The following MTHFD2L variants were observed in gnomAD, a reference collection of about 807,000 sequenced individuals.
MTHFD2L encodes the protein bifunctional methylenetetrahydrofolate dehydrogenase/cyclohydrolase 2, mitochondrial.
Under a neutral mutation model 34.9 loss-of-function variants are expected in MTHFD2L, and 29 were observed. That is an observed-to-expected ratio of 0.83 (90% CI 0.62 to 1.13). The LOEUF (loss-of-function observed/expected upper bound fraction) is 1.13, where lower values mean the gene tolerates loss of function less well. Ranked by LOEUF, MTHFD2L falls within the 50% of genes most tolerant of loss-of-function variation. The probability of loss-of-function intolerance (pLI) is 0.00; values close to 1 mark genes in which losing one functional copy is unlikely to be tolerated. For missense variants in MTHFD2L, 481 were observed against 446.5 expected (o/e 1.08, Z -0.70); for synonymous variants, 167 against 155.7 (o/e 1.07, Z -0.54).
chr4:74,185,580 A>G (rs1229779022), intron 3 of MTHFD2L, among the ~76,000 whole-genome samples: 16 of 152,184 alleles, frequency 1.1e-4, no homozygotes, highest in Non-Finnish European at 1.6e-4. Flanking sequence ...GACCAATACC[A>G]GGACTTAGGG....
chr4:74,236,612 T>C (rs1314451038), intron 6 of MTHFD2L, among the ~76,000 whole-genome samples: 1 of 152,270 alleles, frequency 6.6e-6, no homozygotes, highest in Non-Finnish European at 1.5e-5. Context: ...GATTGAAAGC[T>C]TTCTGTCTCT....
At chr4:74,207,766 C>CTTTTTTTTTTTTTTTTTTTT (rs768932793) in intron 5 of MTHFD2L, among the ~76,000 whole-genome samples, 2 of 128,474 alleles carry the variant, frequency 1.6e-5, no homozygotes, top group African/African-American at 3.1e-5. Flanking sequence ...TGAAAAAGAA[C>CTTTTTTTTTTTTTTTTTTTT]TTTTTTTTTT....
intron 1 of MTHFD2L, among the ~76,000 whole-genome samples, chr4:74,149,988 T>C (rs1434236028): frequency 6.6e-6 from 1 of 152,002 alleles, no homozygotes; most frequent in African/African-American, 2.4e-5. Context: ...CCCCTGGCTG[T>C]AGTAAGTAAA....
intron 1 of MTHFD2L, among the ~76,000 whole-genome samples, chr4:74,172,250 C>A (rs996095748): frequency 6.6e-6 from 1 of 152,118 alleles, no homozygotes; most frequent in Non-Finnish European, 1.5e-5. Flanking sequence ...TAGACATGTT[C>A]ATTTTCTTGA....
intron 1 of MTHFD2L, among the ~76,000 whole-genome samples, chr4:74,145,140 G>A (rs1723515310): frequency 6.7e-6 from 1 of 149,694 alleles, no homozygotes; most frequent in South Asian, 2.1e-4. Context: ...TGATAAACTA[G>A]ACTACAGTCA....
intron 6 of MTHFD2L, among the ~76,000 whole-genome samples, chr4:74,264,242 C>A (rs556408748): frequency 6.6e-6 from 1 of 152,082 alleles, no homozygotes; most frequent in South Asian, 2.1e-4. Flanking sequence ...TGTATACAGA[C>A]TAGGAAGGAG....
At chr4:74,152,133 A>G (rs1723976927) in intron 1 of MTHFD2L, among the ~76,000 whole-genome samples, 2 of 151,992 alleles carry the variant, frequency 1.3e-5, no homozygotes, top group Non-Finnish European at 2.9e-5. Flanking sequence ...TTCATATCCT[A>G]ATAATTACAT....
chr4:74,164,118 C>T (rs866897521), intron 1 of MTHFD2L, among the ~76,000 whole-genome samples: 5 of 152,132 alleles, frequency 3.3e-5, no homozygotes, highest in South Asian at 2.1e-4. Context: ...CTTCGTGATC[C>T]GCCCGCCTCA....
chr4:74,269,074 A>G (rs893243713), intron 6 of MTHFD2L, among the ~76,000 whole-genome samples: 1 of 152,210 alleles, frequency 6.6e-6, no homozygotes, highest in East Asian at 1.9e-4. Flanking sequence ...CCATTGGTTC[A>G]TTTACTTATC....
intron 7 of MTHFD2L, among the ~76,000 whole-genome samples, chr4:74,286,488 T>C (rs1748189833): frequency 6.6e-6 from 1 of 152,220 alleles, no homozygotes; most frequent in South Asian, 2.1e-4. Flanking sequence ...TTATGTGCCA[T>C]GAGTAGTAAA....
At chr4:74,186,875 A>G (rs28823933) in intron 3 of MTHFD2L, among the ~76,000 whole-genome samples, 113,124 of 152,098 alleles carry the variant, frequency 0.74, 49,563 homozygotes, top group Non-Finnish European at 0.95. Context: ...AATGAGTAAC[A>G]TGGAGGATTA....
At chr4:74,158,356 C>T in intron 1 of MTHFD2L, 75 bp downstream of exon 1, 1 of 1,085,738 alleles carries the variant, frequency 9.2e-7, no homozygotes, top group Non-Finnish European at 1.1e-6. Context: ...GGCGCTCGCG[C>T]GCGTGGGGCC....
At chr4:74,249,356 A>G (rs1233981086) in intron 6 of MTHFD2L, among the ~76,000 whole-genome samples, 1 of 151,682 alleles carries the variant, frequency 6.6e-6, no homozygotes, top group East Asian at 1.9e-4. Flanking sequence ...CCATCCTTTT[A>G]TTTTGAGCCT....
chr4:74,141,899 T>C (rs1723291564), intron 1 of MTHFD2L, among the ~76,000 whole-genome samples: 1 of 152,106 alleles, frequency 6.6e-6, no homozygotes, highest in Non-Finnish European at 1.5e-5. Context: ...AGTTACACAG[T>C]TAAATAAATA....
intron 1 of MTHFD2L, among the ~76,000 whole-genome samples, chr4:74,128,918 A>T (rs1722271169): frequency 6.6e-6 from 1 of 152,102 alleles, no homozygotes; most frequent in Admixed American, 6.6e-5. Context: ...TTGACAAGTA[A>T]GGACTTACTA....
intron 7 of MTHFD2L, among the ~76,000 whole-genome samples, chr4:74,286,458 C>A (rs934831716): frequency 2.0e-5 from 3 of 152,102 alleles, no homozygotes; most frequent in African/African-American, 7.2e-5. Flanking sequence ...AGGCTTTATT[C>A]TCAAAAGATA....
chr4:74,210,789 T>TC (rs1736179503), intron 5 of MTHFD2L, among the ~76,000 whole-genome samples: 3 of 152,208 alleles, frequency 2.0e-5, no homozygotes, highest in African/African-American at 4.8e-5. Flanking sequence ...GTATGGCCAT[T>TC]TTCATGATAT....
chr4:74,227,587 A>T (rs1739364867), intron 6 of MTHFD2L, among the ~76,000 whole-genome samples: 1 of 151,900 alleles, frequency 6.6e-6, no homozygotes, highest in Non-Finnish European at 1.5e-5. Context: ...CAGGTCTTTG[A>T]CGGCTTATTA....
intron 5 of MTHFD2L, among the ~76,000 whole-genome samples, chr4:74,211,483 CGT>C (rs1578482327): frequency 6.6e-6 from 1 of 152,020 alleles, no homozygotes; most frequent in Non-Finnish European, 1.5e-5. Context: ...TGATGGATTC[CGT>C]TTGTTGATTT....
Sources: allele counts gnomAD v4.1 joint callset (sites outside exome capture counted in the v4.1 genomes callset), GRCh38; gene constraint gnomAD v4.1.1; transcripts MANE v1.5; gene names NCBI Gene and HGNC (gene_info 2026-07-23, HGNC 2026-07-21).